The following ANLN variants were observed in gnomAD, a reference collection of about 807,000 sequenced individuals.
The protein encoded by ANLN is anillin.
In ANLN, 59 loss-of-function variants were observed where a neutral mutation model predicts 135.1. The observed-to-expected ratio is 0.44, with a 90% CI of 0.35 to 0.54. ANLN has a LOEUF of 0.54. ANLN is among the 20% of genes least tolerant of loss of function. The pLI is 0.00. For synonymous variants in ANLN, 406 were observed against 456.4 expected (o/e 0.89, Z 1.41); for missense variants, 1,182 against 1,340.0 (o/e 0.88, Z 1.84).
intron 3 of ANLN, among the ~76,000 whole-genome samples, chr7:36,405,372 G>C (rs966190785): frequency 6.6e-6 from 1 of 152,204 alleles, no homozygotes; most frequent in Non-Finnish European, 1.5e-5. Flanking sequence ...GTGCAGACAA[G>C]AGTTTGTAGA....
intron 1 of ANLN, among the ~76,000 whole-genome samples, chr7:36,391,609 C>T (rs1786466605): frequency 6.6e-6 from 1 of 152,130 alleles, no homozygotes; most frequent in South Asian, 2.1e-4. Flanking sequence ...TTAATTATAG[C>T]ATTCATAACA....
At chr7:36,424,183 T>A (rs532683886) in intron 15 of ANLN, among the ~76,000 whole-genome samples, 1 of 152,168 alleles carries the variant, frequency 6.6e-6, no homozygotes, top group Non-Finnish European at 1.5e-5. Flanking sequence ...AAATGATATA[T>A]ACATTAAACC....
At position 36,447,440 on chromosome 7, in the gene ANLN, T is replaced by TC. The variant is rs1741097033; in HGVS notation, c.3079-2224dup. Among the ~76,000 whole-genome samples, 3 of 149,362 alleles carry TC rather than the reference T, an allele frequency of 2.0e-5. No homozygotes were observed. In the South Asian group the frequency reaches 6.5e-4, roughly 32 times the overall value. ...ATCTTTTTTTTTTTTTTTTTTTTTT[T>TC]CTGAGACGGAGTCTCGCTCTGTCGC... is the stretch of plus-strand genomic sequence containing the variant. On this transcript the variant is annotated intron_variant, in intron 22 of 23. Coordinates refer to ENST00000265748, the MANE Select transcript of ANLN (RefSeq NM_018685.5).
At chr7:36,400,691 A>G (rs573611284) in intron 3 of ANLN, among the ~76,000 whole-genome samples, 3 of 152,298 alleles carry the variant, frequency 2.0e-5, no homozygotes, top group Admixed American at 2.0e-4. Context: ...GAGCTAGCAT[A>G]GTGCAGGTAG....
rs1789289584 is a variant in ANLN, at chr7:36,452,538, G to A, written c.3313G>A (p.Val1105Ile). Residue 1105 changes from valine to isoleucine, a missense_variant, in exon 24 of 24, where the codon GTT becomes ATT. Val to Ile is a conservative substitution (Grantham distance 29, BLOSUM62 3). This residue lies in a region of ANLN where 78 missense variants were observed against 72.7 expected (regional missense o/e 1.07). Transcript: ENST00000265748. ...RDLWMQKLNQVLVDIRLWQPD... is the reference protein window; with the variant it reads ...RDLWMQKLNQILVDIRLWQPD... ...TCTCTGGATGCAAAAACTCAATCAA[G>A]TTCTTGTTGATATTCGCCTCTGGCA... is the stretch of plus-strand genomic sequence containing the variant. 1 of 1,613,920 alleles carries A rather than the reference G, an allele frequency of 6.2e-7. No homozygotes were observed. The highest frequency in any genetic ancestry group is 1.1e-5 in the South Asian group (1 of 91,078).
intron 1 of ANLN, among the ~76,000 whole-genome samples, chr7:36,394,575 T>C (rs868756403): frequency 6.6e-6 from 1 of 151,650 alleles, no homozygotes; most frequent in East Asian, 2.0e-4. Context: ...TTTCAGTGAT[T>C]AGAGCATTTC....
Position 36,421,992 on chromosome 7 carries a change from A to G in ANLN, c.2299A>G (p.Thr767Ala), listed in dbSNP as rs780363351. ...AGCAGAAAGACTTCTTCTAATTGCA[A>G]GTAAGTGTGATGCACCTGAAAGAGT... ...AEAERLLLIATGKRTLLIDEL... is the reference protein window; with the variant it reads ...AEAERLLLIAAGKRTLLIDEL... The change falls in exon 13 of 24, where the codon ACT becomes GCT. Residue 767 changes from threonine to alanine, a missense_variant and splice_region_variant. Transcript: ENST00000265748. 1.2e-6 allele frequency: 2 copies of G among 1,611,648 alleles called. No homozygotes were observed. The highest frequency in any genetic ancestry group is 1.7e-6 in the Non-Finnish European group (2 of 1,179,192).
At chr7:36,438,335 C>T (rs186291428) in intron 20 of ANLN, among the ~76,000 whole-genome samples, 3 of 152,230 alleles carry the variant, frequency 2.0e-5, no homozygotes, top group Admixed American at 6.5e-5. Context: ...TTTCTTTTGT[C>T]CATATGTCTG....
chr7:36,390,351 C>A, intron 1 of ANLN: 1 of 437,336 alleles, frequency 2.3e-6, no homozygotes, highest in Non-Finnish European at 4.2e-6. Context: ...CCTGGCGCAG[C>A]AAGAGTGAGG....
intron 3 of ANLN, among the ~76,000 whole-genome samples, chr7:36,404,975 G>A (rs543626610): frequency 6.6e-6 from 1 of 152,326 alleles, no homozygotes; most frequent in African/African-American, 2.4e-5. Flanking sequence ...ACAGTTGACT[G>A]CTGATAAGGA....
At chr7:36,446,349 G>A (rs1788998599) in intron 22 of ANLN, among the ~76,000 whole-genome samples, 1 of 151,602 alleles carries the variant, frequency 6.6e-6, no homozygotes, top group African/African-American at 2.4e-5. Context: ...CAGCATCATT[G>A]AATGGTTTGT....
In ANLN at chr7:36,396,381, C is replaced by T. The variant is rs768148237; in HGVS notation, c.134C>T (p.Ser45Leu). 1.3e-6 allele frequency: 2 copies of T among 1,599,198 alleles called. No individual in the cohort carries two copies. The highest frequency in any genetic ancestry group is 2.7e-5 in the African/African-American group (2 of 74,832). The change falls in exon 2 of 24, where the codon TCA (serine) becomes TTA (leucine). Residue 45 changes from serine (S) to leucine (L), a missense_variant. Physicochemically the swap from Ser to Leu is moderately radical, Grantham distance 145 (BLOSUM62 -2). Around this residue, in one of 3 missense-constraint regions of ANLN, gnomAD observed 1,022 missense variants for 1,134.0 expected, o/e 0.90. Transcript: ENST00000265748. Reference sequence around the variant, plus strand: ...GCTAAGCGAGCTAGACAGCCACTTTCAGAAGCAAGTAACCAGCAGCCCCTC... The same window carrying T: ...GCTAAGCGAGCTAGACAGCCACTTTTAGAAGCAAGTAACCAGCAGCCCCTC... ...THAKRARQPLSEASNQQPLSG... is the reference protein window; with the variant it reads ...THAKRARQPLLEASNQQPLSG...
At chr7:36,444,358 A>C (rs568082766) in intron 22 of ANLN, among the ~76,000 whole-genome samples, 4 of 151,124 alleles carry the variant, frequency 2.6e-5, no homozygotes, top group Admixed American at 1.3e-4. Flanking sequence ...TAAAATTTTT[A>C]TATCCTATCC....
intron 22 of ANLN, among the ~76,000 whole-genome samples, chr7:36,445,535 A>G (rs1179673391): frequency 6.6e-6 from 1 of 152,168 alleles, no homozygotes; most frequent in African/African-American, 2.4e-5. Context: ...TTCTCTGTAT[A>G]GTATACTTTT....
rs549298398 is a variant in ANLN, at chr7:36,418,565, C to T, written c.1634-679C>T. Among the ~76,000 whole-genome samples, 30 of 152,214 alleles carry T rather than the reference C, an allele frequency of 2.0e-4. 1 individual carries two copies. In the South Asian group the frequency reaches 4.0e-3, roughly 20 times the overall value. ...TGCCCTAAGTGACATTAATATTTTC[C>T]TATTATTGACTGCTGTGTGAAAGGG... On this transcript the variant is annotated intron_variant, in intron 9 of 23. Coordinates refer to ENST00000265748, the MANE Select transcript of ANLN (RefSeq NM_018685.5).
intron 8 of ANLN, 148 bp downstream of exon 8, chr7:36,416,032 T>C (rs1787627972): frequency 2.8e-6 from 2 of 711,536 alleles, no homozygotes; most frequent in East Asian, 6.0e-5. Flanking sequence ...TTTTCACTTT[T>C]CTTTGAGATG....
chr7:36,416,623 TA>T (rs1309393008), intron 8 of ANLN, among the ~76,000 whole-genome samples: 3 of 152,074 alleles, frequency 2.0e-5, no homozygotes, highest in Non-Finnish European at 4.4e-5. Flanking sequence ...GTTTTTAAAG[TA>T]AAAAACAAAT....
chr7:36,447,543 G>T (rs747089005), intron 22 of ANLN, among the ~76,000 whole-genome samples: 1 of 149,588 alleles, frequency 6.7e-6, no homozygotes, highest in Non-Finnish European at 1.5e-5. Flanking sequence ...TCCTGCCTTA[G>T]CCTCCCGAGT....
chr7:36,436,721 T>C (rs932403592), intron 20 of ANLN, among the ~76,000 whole-genome samples: 1 of 152,222 alleles, frequency 6.6e-6, no homozygotes, highest in Non-Finnish European at 1.5e-5. Flanking sequence ...CTGTTGATGT[T>C]AAATGTCTTT....
Sources: allele counts gnomAD v4.1 joint callset (sites outside exome capture counted in the v4.1 genomes callset), GRCh38; gene constraint gnomAD v4.1.1; regional missense constraint gnomAD v4.1.1; transcripts MANE v1.5; gene names NCBI Gene and HGNC (gene_info 2026-07-23, HGNC 2026-07-21).